CSMD1: variants seen among roughly 807,000 people sequenced by gnomAD.
The protein encoded by CSMD1 is CUB and sushi domain-containing protein 1.
Under a neutral mutation model 417.5 loss-of-function variants are expected in CSMD1, and 213 were observed. That is an observed-to-expected ratio of 0.51 (90% CI 0.46 to 0.57). The LOEUF (loss-of-function observed/expected upper bound fraction) is 0.57, where lower values mean the gene tolerates loss of function less well. Among genes scored for constraint, CSMD1 ranks in the 20% least tolerant of loss-of-function variants. CSMD1 has a pLI of 0.00. For missense variants in CSMD1, 6,923 were observed against 4,529.7 expected (o/e 1.53, Z -15.17); for synonymous variants, 2,862 against 1,736.8 (o/e 1.65, Z -16.11).
At chr8:3,738,351 T>G (rs183030927) in intron 6 of CSMD1, among the ~76,000 whole-genome samples, 1 of 152,200 alleles carries the variant, frequency 6.6e-6, no homozygotes, top group Non-Finnish European at 1.5e-5. Context: ...CATACAGGCA[T>G]TGGGGCCTGG....
chr8:4,237,237 G>A (rs758977008), intron 3 of CSMD1, among the ~76,000 whole-genome samples: 95 of 152,222 alleles, frequency 6.2e-4, no homozygotes, highest in Non-Finnish European at 6.3e-4. Flanking sequence ...CGAAGTAGAC[G>A]TCCTGCCCTT....
chr8:3,119,134 C>T (rs1585398312), intron 41 of CSMD1, among the ~76,000 whole-genome samples: 1 of 151,938 alleles, frequency 6.6e-6, no homozygotes, highest in East Asian at 1.9e-4. Context: ...GAGCCGAGAT[C>T]TTGCCACTGC....
chr8:3,935,052 T>A (rs963384668), intron 5 of CSMD1, among the ~76,000 whole-genome samples: 4 of 152,152 alleles, frequency 2.6e-5, no homozygotes, highest in African/African-American at 4.8e-5. Flanking sequence ...TTCTTTTGCA[T>A]TGCACTGGCT....
At chr8:4,158,382 G>C (rs940100069) in intron 3 of CSMD1, among the ~76,000 whole-genome samples, 16 of 151,930 alleles carry the variant, frequency 1.1e-4, no homozygotes, top group African/African-American at 3.6e-4. Context: ...TATGAATACA[G>C]CCACTAGTGC....
At chr8:3,915,405 C>CAGAATAAAAAAAA (rs1554484704) in intron 5 of CSMD1, among the ~76,000 whole-genome samples, 1 of 76,294 alleles carries the variant, frequency 1.3e-5, no homozygotes, top group African/African-American at 4.6e-5. Flanking sequence ...GACTCTGTCT[C>CAGAATAAAAAAAA]AAAAAAAAAA....
chr8:3,368,982 C>T (rs538404896), intron 19 of CSMD1, among the ~76,000 whole-genome samples: 4 of 152,210 alleles, frequency 2.6e-5, no homozygotes, highest in Non-Finnish European at 4.4e-5. Flanking sequence ...GCCTTTATTC[C>T]TTACCACGAT....
In CSMD1 at chr8:4,743,060, A is replaced by T. The variant is rs191133559; in HGVS notation, c.86-105502T>A. On this transcript the variant is annotated intron_variant, in intron 1 of 69. Coordinates refer to ENST00000635120, the MANE Select transcript of CSMD1 (RefSeq NM_033225.6). ...AGTGTTTTTGTTTGTATTTTATTAC[A>T]TTAATTATTACATTAAAATTGGCTC... is the stretch of plus-strand genomic sequence containing the variant. 1.4e-3 allele frequency among the ~76,000 whole-genome samples: 217 copies of T among 152,338 alleles called. 5 individuals are homozygous for T. In the South Asian group the frequency reaches 0.039, roughly 27 times the overall value.
intron 6 of CSMD1, among the ~76,000 whole-genome samples, chr8:3,726,032 T>G (rs1802475550): frequency 1.3e-5 from 2 of 152,078 alleles, no homozygotes; most frequent in Admixed American, 6.5e-5. Flanking sequence ...CTTTCTCTCT[T>G]GAAGAATTAT....
At chr8:3,632,001 T>G (rs1325845295) in intron 7 of CSMD1, among the ~76,000 whole-genome samples, 1 of 152,232 alleles carries the variant, frequency 6.6e-6, no homozygotes, top group African/African-American at 2.4e-5. Context: ...AAATTACTGA[T>G]TCTCTAACCA....
chr8:3,253,311 C>G (rs574984858), intron 26 of CSMD1, among the ~76,000 whole-genome samples: 1 of 151,948 alleles, frequency 6.6e-6, no homozygotes, highest in South Asian at 2.1e-4. Context: ...AGGAGCAGGT[C>G]GTTCAGTTTC....
intron 3 of CSMD1, among the ~76,000 whole-genome samples, chr8:4,064,592 C>T (rs1036159127): frequency 6.6e-6 from 1 of 152,178 alleles, no homozygotes; most frequent in African/African-American, 2.4e-5. Flanking sequence ...ATACAACTGC[C>T]GTTTCCGAAC....
intron 3 of CSMD1, among the ~76,000 whole-genome samples, chr8:4,255,447 T>C (rs995645430): frequency 2.6e-5 from 4 of 151,968 alleles, no homozygotes; most frequent in Non-Finnish European, 4.4e-5. Context: ...TACTTTGAAA[T>C]AATATAAAAA....
At chr8:4,152,190 C>A (rs921583424) in intron 3 of CSMD1, among the ~76,000 whole-genome samples, 1 of 152,112 alleles carries the variant, frequency 6.6e-6, no homozygotes, top group African/African-American at 2.4e-5. Context: ...ATAGTTCTTA[C>A]ATCTTTGGAG....
At chr8:3,509,053 C>T (rs895349288) in intron 10 of CSMD1, among the ~76,000 whole-genome samples, 5 of 152,284 alleles carry the variant, frequency 3.3e-5, no homozygotes, top group African/African-American at 4.8e-5. Context: ...ACTGTATCAG[C>T]GGTCCATGTG....
chr8:4,329,849 TACACAC>T (rs3067537), intron 3 of CSMD1, among the ~76,000 whole-genome samples: 22,966 of 150,104 alleles, frequency 0.15, 4,585 homozygotes, highest in African/African-American at 0.46. Context: ...CCACCCTGCT[TACACAC>T]ACACACACAC....
At chr8:4,544,269 G>A (rs1797539611) in intron 2 of CSMD1, among the ~76,000 whole-genome samples, 1 of 151,982 alleles carries the variant, frequency 6.6e-6, no homozygotes, top group African/African-American at 2.4e-5. Flanking sequence ...AGGTCTATGA[G>A]CCATTTTTAG....
Position 3,295,372 on chromosome 8 carries a change from C to G in CSMD1, c.3951-11026G>C, listed in dbSNP as rs11781799. 3.6e-3 allele frequency among the ~76,000 whole-genome samples: 546 copies of G among 151,530 alleles called. 3 individuals carry two copies. The highest frequency in any genetic ancestry group is 0.013 in the African/African-American group (524 of 41,404). ...CGATCTCCTGACCTTGTGATCCACC[C>G]GCCTCGGCCTCCCAAAGTGCTGGGA... is the stretch of plus-strand genomic sequence containing the variant. On this transcript the variant is annotated intron_variant, in intron 25 of 69. Transcript: ENST00000635120.
Position 3,856,017 on chromosome 8 carries a change from G to C in CSMD1, c.819-101975C>G, listed in dbSNP as rs938590344. 3.3e-5 allele frequency among the ~76,000 whole-genome samples: 5 copies of C among 151,820 alleles called. No individual in the cohort carries two copies. The South Asian group carries it at 6.2e-4, about 19-fold the overall frequency. On this transcript the variant is annotated intron_variant, in intron 5 of 69. Transcript: ENST00000635120. ...AATTTTTTTTTGTTTTTTATATCTAGACAAACATTACCAAACTTTTATGTC... is the reference window on the plus strand; with the variant it reads ...AATTTTTTTTTGTTTTTTATATCTACACAAACATTACCAAACTTTTATGTC...
intron 46 of CSMD1, among the ~76,000 whole-genome samples, chr8:3,099,678 C>T (rs2129012015): frequency 6.6e-6 from 1 of 152,290 alleles, no homozygotes; most frequent in African/African-American, 2.4e-5. Flanking sequence ...ACCTGAAAAC[C>T]TATTCGCACA....
Sources: allele counts gnomAD v4.1 joint callset (sites outside exome capture counted in the v4.1 genomes callset), GRCh38; gene constraint gnomAD v4.1.1; transcripts MANE v1.5; gene names NCBI Gene and HGNC (gene_info 2026-07-23, HGNC 2026-07-21).